Variants in SEL1L2 observed in about 807,000 individuals in gnomAD.
The protein encoded by SEL1L2 is SEL1L2 adaptor subunit of SYVN1 ubiquitin ligase, also known as protein sel-1 homolog 2.
A neutral mutation model predicts 98.8 loss-of-function variants in SEL1L2; 89 were observed. That is an observed-to-expected ratio of 0.90 (90% confidence interval 0.76 to 1.07). SEL1L2 has a LOEUF of 1.07. Among genes scored for constraint, SEL1L2 ranks in the 50% least tolerant of loss-of-function variants. The pLI is 0.00. For missense variants in SEL1L2, 788 were observed against 812.0 expected, an observed-to-expected ratio of 0.97 and a Z score of 0.36; for synonymous variants, 262 against 278.5, an observed-to-expected ratio of 0.94 and a Z score of 0.59.
intron 3 of SEL1L2, among the ~76,000 whole-genome samples, chr20:13,927,194 C>A (rs775463418): frequency 6.6e-6 from 1 of 152,244 alleles, no homozygotes; most frequent in South Asian, 2.1e-4. Flanking sequence ...ACTCTAAAAA[C>A]GTTAAGCCTT....
At chr20:13,968,228 T>C (rs1314229433) in intron 1 of SEL1L2, among the ~76,000 whole-genome samples, 1 of 152,236 alleles carries the variant, frequency 6.6e-6, no homozygotes, top group Non-Finnish European at 1.5e-5. Flanking sequence ...TTAATTTTTA[T>C]GAAGTTTAAC....
At chr20:13,859,079 A>G (rs913549624) in intron 18 of SEL1L2, among the ~76,000 whole-genome samples, 183 bp downstream of exon 18, 1 of 152,226 alleles carries the variant, frequency 6.6e-6, no homozygotes, top group Non-Finnish European at 1.5e-5. Flanking sequence ...AATAACTTCT[A>G]TCTCATAAGG....
chr20:13,915,694 G>C lies in SEL1L2; in HGVS notation c.387-1750C>G, dbSNP rs186669349. On this transcript the variant is annotated intron_variant, in intron 4 of 19. Transcript: ENST00000284951. The stretch of plus-strand genomic sequence containing the variant: ...ATTCCAAGGGCAGTGTGGGCATATG[G>C]GTTCCATAGCAGAAAACCCAAGGCA... Among the ~76,000 whole-genome samples the C allele has an allele frequency of 3.5e-4, 53 of 152,276 alleles. 1 individual carries two copies. The highest frequency in any genetic ancestry group is 3.1e-3 in the Admixed American group (47 of 15,288).
chr20:13,979,247 A>G (rs1471511229), intron 1 of SEL1L2, among the ~76,000 whole-genome samples: 2 of 152,160 alleles, frequency 1.3e-5, no homozygotes, highest in African/African-American at 4.8e-5. Flanking sequence ...GTTATTAGAT[A>G]ATAGGAAGGA....
chr20:13,884,075 A>G (rs77537606), intron 10 of SEL1L2, among the ~76,000 whole-genome samples: 2,441 of 152,312 alleles, frequency 0.016, 31 homozygotes, highest in Non-Finnish European at 0.024. Flanking sequence ...TGACTTCGAC[A>G]TTTACCTGAT....
intron 6 of SEL1L2, 69 bp downstream of exon 6, chr20:13,888,390 G>T: frequency 9.8e-7 from 1 of 1,019,684 alleles, no homozygotes; most frequent in Non-Finnish European, 1.5e-6. Context: ...TACTTAATGA[G>T]TAGATTTTAT....
chr20:13,906,510 T>C (rs2047936421), intron 5 of SEL1L2, among the ~76,000 whole-genome samples: 1 of 152,194 alleles, frequency 6.6e-6, no homozygotes, highest in South Asian at 2.1e-4. Context: ...TCAGGTACTG[T>C]CTGTACTTTT....
At chr20:13,867,630 CTCA>C (rs1436000244) in intron 14 of SEL1L2, among the ~76,000 whole-genome samples, 1 of 152,164 alleles carries the variant, frequency 6.6e-6, no homozygotes, top group Non-Finnish European at 1.5e-5. Flanking sequence ...GCTTAGTTTG[CTCA>C]TCACAGTGGA....
upstream of SEL1L2, chr20:13,995,188 C>T (rs569938683): frequency 3.3e-4 from 56 of 169,082 alleles, no homozygotes; most frequent in Middle Eastern, 7.9e-3. This position sits in a 1 kb window ranked among gnomAD's most constrained non-coding sequence, Gnocchi z 4.3. Flanking sequence ...CTCAAGTCTT[C>T]CAAGAGGCCA....
At chr20:13,964,420 G>T (rs559281787) in intron 1 of SEL1L2, among the ~76,000 whole-genome samples, 7 of 141,762 alleles carry the variant, frequency 4.9e-5, no homozygotes, top group Non-Finnish European at 6.1e-5. Flanking sequence ...TAAATGTGTG[G>T]TGTGCTCTGC....
At chr20:13,969,111 G>T (rs1340277776) in intron 1 of SEL1L2, among the ~76,000 whole-genome samples, 1 of 152,168 alleles carries the variant, frequency 6.6e-6, no homozygotes, top group East Asian at 1.9e-4. Flanking sequence ...TCCACTTAGG[G>T]TTGTGATGAA....
intron 5 of SEL1L2, among the ~76,000 whole-genome samples, chr20:13,896,750 A>G (rs6042423): frequency 0.076 from 11,626 of 152,266 alleles, 477 homozygotes; most frequent in African/African-American, 0.094. Flanking sequence ...TTGCTGAAAT[A>G]AATGAAAGAA....
chr20:13,939,382 A>T (rs1349991517), intron 2 of SEL1L2, among the ~76,000 whole-genome samples: 2 of 152,014 alleles, frequency 1.3e-5, no homozygotes, highest in Non-Finnish European at 2.9e-5. Flanking sequence ...AGAATATCTT[A>T]AAAATGTTTT....
rs1416440057 is a variant in SEL1L2, at chr20:13,875,121, G to A, written c.1104+917C>T. On this transcript the variant is annotated intron_variant, in intron 12 of 19. Transcript: ENST00000284951. ...ATTCATTCTGTCTGGGATGTGCTTC[G>A]AAGTTCACTCCACTTTACTGGCCCC... 3.3e-5 allele frequency among the ~76,000 whole-genome samples: 5 copies of A among 152,238 alleles called. No homozygotes were observed. In the East Asian group the frequency reaches 7.7e-4, roughly 24 times the overall value.
intron 5 of SEL1L2, among the ~76,000 whole-genome samples, chr20:13,909,149 T>C (rs1422421243): frequency 6.6e-6 from 1 of 151,840 alleles, no homozygotes; most frequent in Non-Finnish European, 1.5e-5. Flanking sequence ...CCAGCTTCTT[T>C]ACCCACATTT....
At chr20:13,866,916 T>C in intron 14 of SEL1L2, 66 bp from the exon 15 acceptor site, 1 of 1,424,718 alleles carries the variant, frequency 7.0e-7, no homozygotes, top group Non-Finnish European at 9.3e-7. Context: ...AATCTATGGA[T>C]ATAATAGTCA....
At chr20:13,937,972 CT>C (rs1433948542) in intron 2 of SEL1L2, among the ~76,000 whole-genome samples, 1 of 152,110 alleles carries the variant, frequency 6.6e-6, no homozygotes, top group Non-Finnish European at 1.5e-5. Flanking sequence ...CCTAGAGACA[CT>C]TCCAAAGTAG....
intron 5 of SEL1L2, among the ~76,000 whole-genome samples, chr20:13,892,432 A>G (rs1378110553): frequency 1.4e-5 from 2 of 144,078 alleles, no homozygotes; most frequent in Non-Finnish European, 3.0e-5. Flanking sequence ...CCTGGGCTAC[A>G]GAATGAGACT....
At chr20:13,979,214 A>G (rs58823427) in intron 1 of SEL1L2, among the ~76,000 whole-genome samples, 22,986 of 152,198 alleles carry the variant, frequency 0.15, 1,908 homozygotes, top group Admixed American at 0.22. Flanking sequence ...TTGAGCTCAT[A>G]TAAGTGACAG....
Sources: allele counts gnomAD v4.1 joint callset (sites outside exome capture counted in the v4.1 genomes callset), GRCh38; gene constraint gnomAD v4.1.1; non-coding constraint Gnocchi (gnomAD v3.1); transcripts MANE v1.5; gene names NCBI Gene and HGNC (gene_info 2026-07-23, HGNC 2026-07-21).